Variants in DISP1 observed in about 807,000 individuals in gnomAD.
DISP1 encodes protein dispatched homolog 1.
A neutral mutation model predicts 37.3 loss-of-function variants in DISP1; 30 were observed. The observed-to-expected ratio is 0.80, with a 90% CI of 0.60 to 1.09. DISP1 has a LOEUF of 1.09. DISP1 is among the 50% of genes least tolerant of loss of function. The pLI, the probability that DISP1 is intolerant of heterozygous loss-of-function variation, is 0.00. For synonymous variants in DISP1, 634 were observed against 690.2 expected (o/e 0.92, Z 1.28); for missense variants, 1,598 against 1,879.5 (o/e 0.85, Z 2.77).
chr1:222,844,232 T>C (rs1260715262), intron 1 of DISP1, among the ~76,000 whole-genome samples: 2 of 152,126 alleles, frequency 1.3e-5, no homozygotes, highest in African/African-American at 4.8e-5. Flanking sequence ...ATCACCTCAT[T>C]TTATAGGAAT....
At chr1:222,923,736 G>A (rs929827263) in intron 1 of DISP1, among the ~76,000 whole-genome samples, 12 of 152,126 alleles carry the variant, frequency 7.9e-5, no homozygotes, top group African/African-American at 2.9e-4. Flanking sequence ...AAGCCCTCTG[G>A]AGTTGAGAGT....
intron 3 of DISP1, among the ~76,000 whole-genome samples, chr1:222,959,529 C>T (rs1675868078): frequency 6.6e-6 from 1 of 151,428 alleles, no homozygotes; most frequent in Admixed American, 6.6e-5. Flanking sequence ...GGAGAAACCC[C>T]GTCTCTACTG....
At chr1:222,947,100 C>T (rs1224098613) in intron 3 of DISP1, among the ~76,000 whole-genome samples, 1 of 152,136 alleles carries the variant, frequency 6.6e-6, no homozygotes, top group African/African-American at 2.4e-5. Context: ...CCTTGTTGTG[C>T]ACCCATCACT....
chr1:222,887,498 T>TG (rs1436850461), intron 1 of DISP1, among the ~76,000 whole-genome samples: 1 of 123,702 alleles, frequency 8.1e-6, no homozygotes, highest in South Asian at 2.8e-4. Context: ...TTTTTTTTTT[T>TG]TTTTTTTTTT....
intron 1 of DISP1, among the ~76,000 whole-genome samples, chr1:222,885,737 C>T (rs992546194): frequency 2.0e-5 from 3 of 152,092 alleles, no homozygotes; most frequent in Admixed American, 6.6e-5. Flanking sequence ...AGTCTGAGTG[C>T]TAGATGTGCT....
chr1:222,881,272 C>G (rs1040049789), intron 1 of DISP1, among the ~76,000 whole-genome samples: 1 of 152,002 alleles, frequency 6.6e-6, no homozygotes. Flanking sequence ...CTCGGCTCAC[C>G]GCAACCTCCG....
chr1:222,868,806 A>G (rs1320277811), intron 1 of DISP1, among the ~76,000 whole-genome samples: 1 of 152,126 alleles, frequency 6.6e-6, no homozygotes, highest in Non-Finnish European at 1.5e-5. Flanking sequence ...TGCTTTCCCT[A>G]AGATCAAACT....
chr1:222,955,493 G>A lies in DISP1; in HGVS notation c.509+12161G>A, dbSNP rs140585725. Among the ~76,000 whole-genome samples, 196 of 152,288 alleles carry A rather than the reference G, an allele frequency of 1.3e-3. 1 individual carries two copies. The highest frequency in any genetic ancestry group is 2.3e-3 in the Non-Finnish European group (155 of 68,024). On this transcript the variant is annotated intron_variant, in intron 3 of 8. Transcript: ENST00000675850. ...TGCATTCGGTAGAAATTGTACTTCC[G>A]ACTTTGAATTTTGATCTTTTCCTGG...
At chr1:222,903,916 G>C (rs1270553941) in intron 1 of DISP1, among the ~76,000 whole-genome samples, 1 of 152,212 alleles carries the variant, frequency 6.6e-6, no homozygotes, top group Non-Finnish European at 1.5e-5. Context: ...AGGCAATAGA[G>C]TGCATAAACA....
At chr1:222,835,284 G>A (rs1405033894) in intron 1 of DISP1, 3 of 152,164 alleles carry the variant, frequency 2.0e-5, no homozygotes, top group Non-Finnish European at 4.4e-5. Flanking sequence ...ATACTTGACA[G>A]ATAATTAATG....
chr1:222,987,035 C>T (rs1218153519), intron 4 of DISP1, among the ~76,000 whole-genome samples: 1 of 143,954 alleles, frequency 6.9e-6, no homozygotes, highest in Non-Finnish European at 1.5e-5. Flanking sequence ...GAGAATAATG[C>T]ACAGGATATG....
intron 1 of DISP1, among the ~76,000 whole-genome samples, chr1:222,822,443 T>G (rs1377851394): frequency 6.6e-6 from 1 of 152,186 alleles, no homozygotes; most frequent in African/African-American, 2.4e-5. Flanking sequence ...ATTTCTACAT[T>G]TATAAGCAGA....
Position 222,983,062 on chromosome 1 carries a change from T to G in DISP1, c.510-18T>G, listed in dbSNP as rs1460081634. 1.3e-6 allele frequency: 2 copies of G among 1,583,946 alleles called. No individual in the cohort carries two copies. Among genetic ancestry groups the G allele is most frequent in the Admixed American group, 3.6e-5 (2 of 55,964 alleles). On this transcript the variant is annotated intron_variant, in intron 3 of 8. Transcript: ENST00000675850. ...GCTCTGTTTTTGATCATTTTTCCTT[T>G]GCTTTTTTTTTTTTCAGACCATCCA...
intron 4 of DISP1, among the ~76,000 whole-genome samples, chr1:222,985,488 A>G (rs1229264511): frequency 1.3e-5 from 2 of 152,158 alleles, no homozygotes; most frequent in Non-Finnish European, 2.9e-5. Context: ...TGTCTCTACT[A>G]AAAATACAAA....
At chr1:222,921,364 T>C (rs868233089) in intron 1 of DISP1, among the ~76,000 whole-genome samples, 3 of 152,282 alleles carry the variant, frequency 2.0e-5, no homozygotes, top group Middle Eastern at 3.4e-3. Flanking sequence ...TTATACTTAA[T>C]GACTCACTAT....
At chr1:222,986,268 AAAG>A (rs981331641) in intron 4 of DISP1, among the ~76,000 whole-genome samples, 5 of 151,648 alleles carry the variant, frequency 3.3e-5, no homozygotes, top group Non-Finnish European at 5.9e-5. Flanking sequence ...GGAAGAGAAA[AAAG>A]AAGAGTGTTT....
chr1:222,894,816 G>C lies in DISP1; in HGVS notation c.-158-33614G>C, dbSNP rs374303802. ...TACAGCCGGCGACGCTGCAGCGGCT[G>C]CTCCAGACGGGCTGCGGGTGCCATC... On this transcript the variant is annotated intron_variant, in intron 1 of 8. Transcript: ENST00000675850. Among the ~76,000 whole-genome samples the C allele has an allele frequency of 7.9e-5, 12 of 152,370 alleles. No homozygotes were observed. In the East Asian group the frequency reaches 9.7e-4, roughly 12 times the overall value.
At chr1:222,928,599 A>C (rs1410917870) in intron 2 of DISP1, 29 bp downstream of exon 2, 1 of 152,180 alleles carries the variant, frequency 6.6e-6, no homozygotes, top group African/African-American at 2.4e-5. Flanking sequence ...CTGTGTGAAT[A>C]TGTGTGTGAG....
At chr1:222,963,730 A>C (rs1488645670) in intron 3 of DISP1, among the ~76,000 whole-genome samples, 1 of 149,936 alleles carries the variant, frequency 6.7e-6, no homozygotes, top group Non-Finnish European at 1.5e-5. Context: ...ACACATGGAC[A>C]CTGGGGGGGA....
Sources: allele counts gnomAD v4.1 joint callset (sites outside exome capture counted in the v4.1 genomes callset), GRCh38; gene constraint gnomAD v4.1.1; transcripts MANE v1.5; gene names NCBI Gene and HGNC (gene_info 2026-07-23, HGNC 2026-07-21).